Variants in CD36 observed in about 807,000 individuals in gnomAD.
CD36 encodes CD36 molecule (CD36 blood group).
In CD36, 119 loss-of-function variants were observed where a neutral mutation model predicts 55.2. The observed-to-expected ratio is 2.15, with a 90% CI of 1.86 to 2.51. CD36 has a LOEUF of 2.51. Ranked by LOEUF, CD36 falls within the 30% of genes most tolerant of loss-of-function variation. The pLI, the probability that CD36 is intolerant of heterozygous loss-of-function variation, is 0.00. For synonymous variants in CD36, 186 were observed against 193.6 expected, an observed-to-expected ratio of 0.96 and a Z score of 0.33; for missense variants, 819 against 555.5, an observed-to-expected ratio of 1.47 and a Z score of -4.77.
intron 1 of CD36, among the ~76,000 whole-genome samples, chr7:80,645,084 G>T (rs1298046769): frequency 6.7e-6 from 1 of 149,588 alleles, no homozygotes; most frequent in African/African-American, 2.5e-5. Context: ...GCAATGGCAT[G>T]ATCTCGGCTC....
At chr7:80,662,391 C>T (rs567335401) in intron 5 of CD36, 29 of 221,494 alleles carry the variant, frequency 1.3e-4, no homozygotes, top group African/African-American at 6.7e-4. Flanking sequence ...CCGGGGTCTT[C>T]ACCCTGGAGA....
chr7:80,649,593 TTGATAGAAGGTATGTATATACC>T (rs959125562), intron 3 of CD36, among the ~76,000 whole-genome samples: 1 of 152,048 alleles, frequency 6.6e-6, no homozygotes, highest in Admixed American at 6.6e-5. Context: ...CAGTGAGTTA[TTGATAGAAGGTATGTATATACC>T]TTACAAAGTA....
intron 1 of CD36, among the ~76,000 whole-genome samples, chr7:80,615,423 A>G (rs1287432118): frequency 1.3e-5 from 2 of 152,092 alleles, no homozygotes; most frequent in Non-Finnish European, 2.9e-5. Context: ...ATTTTTGTAC[A>G]TTTGCAAGCA....
Position 80,632,022 on chromosome 7 carries a change from T to C in CD36, c.-183-14066T>C, listed in dbSNP as rs536858631. Reference sequence around the variant, plus strand: ...TCATTTGAGAAGTAGCACTCCAAACTAAACCTGTTGGTCTCTTGGAAGAGC... The same window carrying C: ...TCATTTGAGAAGTAGCACTCCAAACCAAACCTGTTGGTCTCTTGGAAGAGC... On this transcript the variant is annotated intron_variant, in intron 1 of 13. Transcript: ENST00000309881. Among the ~76,000 whole-genome samples the C allele has an allele frequency of 2.6e-5, 4 of 152,058 alleles. 1 individual carries two copies. Among genetic ancestry groups the C allele is most frequent in the African/African-American group, 9.6e-5 (4 of 41,532 alleles).
chr7:80,645,090 G>T (rs374496667), intron 1 of CD36, among the ~76,000 whole-genome samples: 2 of 150,336 alleles, frequency 1.3e-5, no homozygotes, highest in Admixed American at 6.6e-5. Flanking sequence ...GCATGATCTC[G>T]GCTCACCGCA....
chr7:80,664,145 C>G (rs990540990), intron 6 of CD36, among the ~76,000 whole-genome samples: 2 of 152,082 alleles, frequency 1.3e-5, no homozygotes, highest in African/African-American at 4.8e-5. Context: ...TCAAAATGCC[C>G]TCATTGGCTT....
intron 3 of CD36, among the ~76,000 whole-genome samples, chr7:80,650,242 A>G (rs1436721269): frequency 2.0e-5 from 3 of 152,126 alleles, no homozygotes; most frequent in African/African-American, 4.8e-5. Flanking sequence ...ATATTGGTCA[A>G]GATGTATGGT....
chr7:80,642,725 G>A (rs896209315), intron 1 of CD36, among the ~76,000 whole-genome samples: 2 of 152,084 alleles, frequency 1.3e-5, no homozygotes, highest in Non-Finnish European at 2.9e-5. Context: ...AGTAATAAGA[G>A]GCAATCAATC....
chr7:80,671,353 G>A lies in CD36; in HGVS notation c.1006+189G>A, dbSNP rs181413689. Among the ~76,000 whole-genome samples the A allele has an allele frequency of 2.3e-4, 35 of 152,122 alleles. No homozygotes were observed. In the East Asian group the frequency reaches 6.8e-3, roughly 29 times the overall value. On this transcript the variant is annotated intron_variant, in intron 10 of 14. Transcript: ENST00000447544. ...TAAAATTAAAGTAAGAAAGTAATTAGGGCAGAAGAAAGAATGGTGGCAGAA... is the reference window on the plus strand; with the variant it reads ...TAAAATTAAAGTAAGAAAGTAATTAAGGCAGAAGAAAGAATGGTGGCAGAA...
chr7:80,665,591 C>T (rs529592897), intron 7 of CD36, among the ~76,000 whole-genome samples: 17 of 152,072 alleles, frequency 1.1e-4, no homozygotes, highest in South Asian at 4.1e-4. Context: ...TGAGAAATAA[C>T]GAGCATTTCA....
rs748115856 is a variant in CD36 at position 80,670,042 on chromosome 7, ATAAGTATGTC to A, written c.818+22_818+31del. The A allele has an allele frequency of 6.7e-7, 1 of 1,500,520 alleles. No individual in the cohort carries two copies. The highest frequency in any genetic ancestry group is 2.3e-5 in the East Asian group (1 of 44,312). The allele number at this position is 1,500,520 out of a possible 1,614,324, so 93.0% of individuals were successfully genotyped here. On this transcript the variant is annotated intron_variant, in intron 9 of 14. Coordinates refer to ENST00000447544, the MANE Select transcript of CD36 (RefSeq NM_001001548.3). ...TTGCAGGTAAGACAGATACTGAAGT[ATAAGTATGTC>A]TGAGTCAGACCCCAGGTGACAAAAT...
chr7:80,675,325 A>C (rs531082326), intron 14 of CD36, among the ~76,000 whole-genome samples: 2 of 152,276 alleles, frequency 1.3e-5, no homozygotes, highest in East Asian at 3.9e-4. Flanking sequence ...TCCGCTGAAA[A>C]GTAAAACAAA....
At chr7:80,632,434 T>G (rs535699397) in intron 1 of CD36, among the ~76,000 whole-genome samples, 2 of 152,094 alleles carry the variant, frequency 1.3e-5, no homozygotes, top group Non-Finnish European at 1.5e-5. Context: ...CACATGCATA[T>G]CTGCATATGT....
At chr7:80,610,260 T>G (rs986041068) in intron 1 of CD36, among the ~76,000 whole-genome samples, 2 of 152,188 alleles carry the variant, frequency 1.3e-5, no homozygotes, top group Non-Finnish European at 2.9e-5. Context: ...TACTCTTATT[T>G]TGAGTTTTCC....
chr7:80,640,670 G>A (rs191077078), intron 1 of CD36, among the ~76,000 whole-genome samples: 1 of 152,008 alleles, frequency 6.6e-6, no homozygotes, highest in East Asian at 1.9e-4. Context: ...AATTAAGAAT[G>A]GGTCTAGATA....
intron 1 of CD36, among the ~76,000 whole-genome samples, chr7:80,605,260 A>G (rs1792477296): frequency 6.6e-6 from 1 of 152,180 alleles, no homozygotes; most frequent in South Asian, 2.1e-4. Flanking sequence ...ATGAACACCT[A>G]CACTGCTTTA....
chr7:80,607,874 C>T (rs1953300), intron 1 of CD36, among the ~76,000 whole-genome samples: 51,014 of 151,826 alleles, frequency 0.34, 8,764 homozygotes, highest in South Asian at 0.46. Flanking sequence ...CAGGTTCAAG[C>T]GATTCTCCTG....
chr7:80,661,931 G>A (rs956992319), intron 5 of CD36, among the ~76,000 whole-genome samples: 1 of 152,102 alleles, frequency 6.6e-6, no homozygotes, highest in Non-Finnish European at 1.5e-5. Flanking sequence ...AGGGGGTGCC[G>A]TCCAAATTCA....
At chr7:80,654,601 T>G (rs992996708) in intron 3 of CD36, among the ~76,000 whole-genome samples, 1 of 152,152 alleles carries the variant, frequency 6.6e-6, no homozygotes. Context: ...TTTGTCTTAA[T>G]ATTAGACTTA....
Sources: allele counts gnomAD v4.1 joint callset (sites outside exome capture counted in the v4.1 genomes callset), GRCh38; gene constraint gnomAD v4.1.1; transcripts MANE v1.5; gene names NCBI Gene and HGNC (gene_info 2026-07-23, HGNC 2026-07-21).